The following NAALADL2 variants were observed in gnomAD, a reference collection of about 807,000 sequenced individuals.
NAALADL2 encodes the protein inactive N-acetylated-alpha-linked acidic dipeptidase-like protein 2.
Under a neutral mutation model 87.2 loss-of-function variants are expected in NAALADL2, and 76 were observed. That is an observed-to-expected ratio of 0.87 (90% CI 0.72 to 1.05). The LOEUF is 1.05. Ranked by LOEUF, NAALADL2 falls within the 50% of genes least tolerant of loss-of-function variation. The pLI is 0.00. For missense variants in NAALADL2, 1,089 were observed against 945.8 expected (o/e 1.15, Z -1.99); for synonymous variants, 354 against 331.0 (o/e 1.07, Z -0.75).
At chr3:175,245,048 C>T (rs918744666) in intron 3 of NAALADL2, among the ~76,000 whole-genome samples, 1 of 152,088 alleles carries the variant, frequency 6.6e-6, no homozygotes. Context: ...CTCTTTAATA[C>T]CCTCTTTCTT....
At chr3:175,399,585 T>C (rs576262695) in intron 5 of NAALADL2, among the ~76,000 whole-genome samples, 30 of 152,250 alleles carry the variant, frequency 2.0e-4, no homozygotes, top group Admixed American at 1.1e-3. Context: ...ACTGTCATGG[T>C]GCTGGCAGGA....
chr3:174,640,152 A>C (rs1189121397), intron 2 of NAALADL2, among the ~76,000 whole-genome samples: 1 of 152,204 alleles, frequency 6.6e-6, no homozygotes, highest in Admixed American at 6.5e-5. Context: ...GCGTTTCTCA[A>C]TCATGGGTGC....
intron 13 of NAALADL2, among the ~76,000 whole-genome samples, chr3:175,780,105 A>G (rs1750821475): frequency 6.7e-6 from 1 of 149,282 alleles, no homozygotes; most frequent in Non-Finnish European, 1.5e-5. Flanking sequence ...TGTCTCTACT[A>G]AAAATACAAA....
chr3:175,033,311 C>T (rs1753003675), intron 1 of NAALADL2, among the ~76,000 whole-genome samples: 1 of 152,026 alleles, frequency 6.6e-6, no homozygotes, highest in African/African-American at 2.4e-5. Flanking sequence ...ACCGTGCTAC[C>T]TTGTCCTATC....
At chr3:174,600,023 A>T (rs966712533) in intron 2 of NAALADL2, among the ~76,000 whole-genome samples, 15 of 152,158 alleles carry the variant, frequency 9.9e-5, no homozygotes, top group Non-Finnish European at 1.9e-4. Context: ...TTAGATAGGA[A>T]TAGCATTATT....
At position 175,386,721 on chromosome 3, in the gene NAALADL2, C is replaced by G. The variant is rs62287978; in HGVS notation, c.1091-60508C>G. Among the ~76,000 whole-genome samples, 751 of 152,226 alleles carry G rather than the reference C, an allele frequency of 4.9e-3. 3 individuals are homozygous for G. Among genetic ancestry groups the G allele is most frequent in the Non-Finnish European group, 7.5e-3 (507 of 67,988 alleles). On this transcript the variant is annotated intron_variant, in intron 5 of 13. Coordinates refer to ENST00000454872, the MANE Select transcript of NAALADL2 (RefSeq NM_207015.3). ...TTAGAATAATGAAGTGTTGTGTTGT[C>G]TGTGCCTTCCAGCTCTGTTCTGCCT...
At chr3:174,859,493 G>T in intron 1 of NAALADL2, 43 bp downstream of exon 1, 1 of 1,522,376 alleles carries the variant, frequency 6.6e-7, no homozygotes, top group South Asian at 1.2e-5. Flanking sequence ...TTCACAATCA[G>T]AAACTTAAGC....
intron 13 of NAALADL2, among the ~76,000 whole-genome samples, chr3:175,763,791 CA>C (rs1748339179): frequency 1.3e-5 from 2 of 152,154 alleles, no homozygotes; most frequent in African/African-American, 4.8e-5. Flanking sequence ...AATGAGATAG[CA>C]GTTAAACAGC....
chr3:175,752,865 T>C (rs1423362316), intron 12 of NAALADL2, among the ~76,000 whole-genome samples: 1 of 152,166 alleles, frequency 6.6e-6, no homozygotes, highest in African/African-American at 2.4e-5. Context: ...GTCGAACTTG[T>C]TTTTTCTGTT....
chr3:174,787,599 A>ATATG (rs1553855295), intron 3 of NAALADL2, among the ~76,000 whole-genome samples: 1 of 67,882 alleles, frequency 1.5e-5, no homozygotes, highest in African/African-American at 5.2e-5. Flanking sequence ...ATATATATAT[A>ATATG]TATATATATA....
intron 2 of NAALADL2, among the ~76,000 whole-genome samples, chr3:174,578,383 C>T (rs1035972301): frequency 2.0e-5 from 3 of 151,806 alleles, no homozygotes; most frequent in Non-Finnish European, 2.9e-5. Context: ...AAAATCATTA[C>T]ATTATATATA....
chr3:175,250,275 G>C (rs1048382828), intron 3 of NAALADL2, among the ~76,000 whole-genome samples: 2 of 150,928 alleles, frequency 1.3e-5, no homozygotes, highest in Non-Finnish European at 2.9e-5. Flanking sequence ...GTGTGTGTGT[G>C]TGTGTGTGTG....
intron 1 of NAALADL2, among the ~76,000 whole-genome samples, chr3:175,010,274 GGC>G (rs1408774043): frequency 3.3e-5 from 5 of 152,072 alleles, no homozygotes. Flanking sequence ...ACAGCCATAT[GGC>G]CTAAAAGTAT....
At chr3:174,690,417 G>T (rs1421137402) in intron 2 of NAALADL2, among the ~76,000 whole-genome samples, 1 of 152,116 alleles carries the variant, frequency 6.6e-6, no homozygotes, top group Non-Finnish European at 1.5e-5. Flanking sequence ...CATTGTTGTT[G>T]TGGATTAAAT....
chr3:174,971,665 C>CTGTGTG (rs10662918), intron 1 of NAALADL2, among the ~76,000 whole-genome samples: 12,536 of 144,672 alleles, frequency 0.087, 1,049 homozygotes, highest in African/African-American at 0.22. Flanking sequence ...GTATGCTAGA[C>CTGTGTG]TGTGTGTGTG....
At chr3:175,388,753 TTTC>T (rs1234738056) in intron 5 of NAALADL2, among the ~76,000 whole-genome samples, 2 of 152,098 alleles carry the variant, frequency 1.3e-5, no homozygotes, top group Non-Finnish European at 2.9e-5. Flanking sequence ...ATCTGAACTA[TTTC>T]TTAGTGGATT....
intron 2 of NAALADL2, among the ~76,000 whole-genome samples, chr3:174,570,308 A>G (rs1714777968): frequency 6.6e-6 from 1 of 152,094 alleles, no homozygotes; most frequent in Admixed American, 6.6e-5. Flanking sequence ...ATAAAATTTA[A>G]ACATATATTT....
intron 2 of NAALADL2, among the ~76,000 whole-genome samples, chr3:174,576,911 T>G (rs2108549239): frequency 6.6e-6 from 1 of 152,318 alleles, no homozygotes; most frequent in South Asian, 2.1e-4. Context: ...AATCTGGAAG[T>G]GTATAATGTA....
chr3:175,680,116 T>C (rs533206155), intron 11 of NAALADL2, among the ~76,000 whole-genome samples: 13 of 152,304 alleles, frequency 8.5e-5, no homozygotes, highest in African/African-American at 2.2e-4. Context: ...TTCCTTAAAA[T>C]GTTACAGGTT....
Sources: allele counts gnomAD v4.1 joint callset (sites outside exome capture counted in the v4.1 genomes callset), GRCh38; gene constraint gnomAD v4.1.1; transcripts MANE v1.5; gene names NCBI Gene and HGNC (gene_info 2026-07-23, HGNC 2026-07-21).